ANKLE2: variants seen among roughly 807,000 people sequenced by gnomAD.
ANKLE2 encodes the protein ankyrin repeat and LEM domain-containing protein 2.
ANKLE2 carries 55 observed loss-of-function variants against 84.2 expected under a neutral mutation model. That is an observed-to-expected ratio of 0.65 (90% CI 0.53 to 0.82). The LOEUF (loss-of-function observed/expected upper bound fraction) is 0.82. ANKLE2 is among the 40% of genes least tolerant of loss of function. ANKLE2 has a pLI of 0.00. For synonymous variants in ANKLE2, 551 were observed against 486.1 expected, an observed-to-expected ratio of 1.13 and a Z score of -1.76; for missense variants, 1,238 against 1,201.9, an observed-to-expected ratio of 1.03 and a Z score of -0.44.
chr12:132,735,663 C>A, intron 8 of ANKLE2, 151 bp from the exon 9 acceptor site: 1 of 640,918 alleles, frequency 1.6e-6, no homozygotes, highest in Non-Finnish European at 2.7e-6. Context: ...GCCACGTGCC[C>A]ACCTGTGGCA....
At chr12:132,755,438 G>C (rs142391474) in intron 1 of ANKLE2, 1 of 226,700 alleles carries the variant, frequency 4.4e-6, no homozygotes, top group Non-Finnish European at 8.6e-6. Context: ...CCAGCTACTT[G>C]GGAGGCTGAG....
At chr12:132,732,590 T>TA (rs2043893221) in intron 10 of ANKLE2, among the ~76,000 whole-genome samples, 1 of 130,224 alleles carries the variant, frequency 7.7e-6, no homozygotes, top group Non-Finnish European at 1.6e-5. Context: ...TGGCGTCTGA[T>TA]ACGCACCGTG....
chr12:132,744,240 C>T (rs953863411), intron 5 of ANKLE2, among the ~76,000 whole-genome samples: 17 of 152,192 alleles, frequency 1.1e-4, no homozygotes, highest in African/African-American at 4.1e-4. Flanking sequence ...AGGGCCAACT[C>T]CCTCCCAGTC....
Position 132,735,022 on chromosome 12 carries a change from A to G in ANKLE2, c.1700+384T>C, listed in dbSNP as rs774022731. 457 of 287,484 alleles carry G rather than the reference A, an allele frequency of 1.6e-3. 4 individuals carry two copies. Among genetic ancestry groups the G allele is most frequent in the East Asian group, 3.5e-3 (35 of 10,106 alleles). The allele number at this position is 287,484 out of a possible 1,614,324, so 17.8% of individuals were successfully genotyped here. A position where few individuals can be genotyped will look rare whatever the true frequency, so the allele number is the denominator to read the frequency against. The stretch of plus-strand genomic sequence containing the variant: ...GGCACATATTTTGAGAAAATATTCT[A>G]AACAATTCCACGAAGCTTTATTTGA... On this transcript the variant is annotated intron_variant, in intron 9 of 12. Coordinates refer to ENST00000357997, the MANE Select transcript of ANKLE2 (RefSeq NM_015114.3).
In ANKLE2 at chr12:132,727,463, A is replaced by G; in HGVS notation, c.2616-20T>C. ...GGCCAACTGCGGAAAGCAAGAAAGA[A>G]CTGTTAGCAGACGGGCACAGGCCCG... On this transcript the variant is annotated intron_variant, in intron 12 of 12. Coordinates refer to ENST00000357997, the MANE Select transcript of ANKLE2 (RefSeq NM_015114.3). 3.2e-6 allele frequency: 5 copies of G among 1,551,058 alleles called. No individual in the cohort carries two copies. Among genetic ancestry groups the G allele is most frequent in the Non-Finnish European group, 4.4e-6 (5 of 1,147,222 alleles).
chr12:132,735,620 T>C (rs1462016288), intron 8 of ANKLE2, 108 bp from the exon 9 acceptor site: 13 of 827,756 alleles, frequency 1.6e-5, no homozygotes, highest in Non-Finnish European at 2.3e-5. Flanking sequence ...CCGCACACCC[T>C]TCCTTCTCTC....
Position 132,730,003 on chromosome 12 carries a change from C to CG in ANKLE2, c.2158dup (p.Arg720ProfsTer16), listed in dbSNP as rs769880047. 9 of 1,613,038 alleles carry CG rather than the reference C, an allele frequency of 5.6e-6. No individual in the cohort carries two copies. The highest frequency in any genetic ancestry group is 4.4e-5 in the South Asian group (4 of 91,078). ...AGGTGGCAGATGGGCTTCCTCCCCA[C>CG]GGGGGGCCTTTGGTCTCTTGCCCGC... On this transcript the variant is annotated frameshift_variant, in exon 11 of 13. Transcript: ENST00000357997. LOFTEE classifies it high-confidence loss of function.
intron 7 of ANKLE2, 119 bp downstream of exon 7, chr12:132,741,300 G>A (rs919919165): frequency 2.0e-5 from 19 of 962,486 alleles, no homozygotes; most frequent in South Asian, 6.2e-5. Context: ...AGAGGCTTCC[G>A]AGGGGAGCCG....
intron 3 of ANKLE2, 112 bp downstream of exon 3, chr12:132,750,531 C>T (rs930346196): frequency 1.4e-5 from 16 of 1,130,742 alleles, no homozygotes; most frequent in Middle Eastern, 2.0e-4. Context: ...GAGACCCCAT[C>T]GACTCTACCC....
In ANKLE2 at chr12:132,751,592, G is replaced by A. The variant is rs1478479783; in HGVS notation, c.641-743C>T. Among the ~76,000 whole-genome samples, 12 of 149,958 alleles carry A rather than the reference G, an allele frequency of 8.0e-5. No individual in the cohort carries two copies. In the East Asian group the frequency reaches 2.2e-3, roughly 27 times the overall value. ...GAGTCTCACTCAGCTGCCGAGGCTGGAGTGCAGTGGTGTGATCTTGGCTCA... is the reference window on the plus strand; with the variant it reads ...GAGTCTCACTCAGCTGCCGAGGCTGAAGTGCAGTGGTGTGATCTTGGCTCA... On this transcript the variant is annotated intron_variant, in intron 2 of 12. Transcript: ENST00000357997.
chr12:132,744,612 C>T (rs74458513), intron 5 of ANKLE2, among the ~76,000 whole-genome samples: 8,641 of 152,264 alleles, frequency 0.057, 317 homozygotes, highest in East Asian at 0.11. Context: ...TATACCACCA[C>T]GCTACCTGTA....
At position 132,761,621 on chromosome 12, in the gene ANKLE2, A is replaced by C; in HGVS notation, c.178T>G (p.Ser60Ala). The C allele has an allele frequency of 8.0e-7, 1 of 1,254,698 alleles. No individual in the cohort carries two copies. The highest frequency in any genetic ancestry group is 1.0e-6 in the Non-Finnish European group (1 of 999,556). The allele number at this position is 1,254,698 out of a possible 1,614,324, so 77.7% of individuals were successfully genotyped here. The change falls in exon 1 of 13, where the codon TCA becomes GCA. Residue 60 changes from serine (S) to alanine (A), a missense_variant. This residue lies in a region of ANKLE2 where 422 missense variants were observed against 394.5 expected (regional missense o/e 1.07). Coordinates refer to ENST00000357997, the MANE Select transcript of ANKLE2 (RefSeq NM_015114.3). The part of the protein sequence containing the change: ...PPPSAAAAPA[S>A]GEMTMDALLA... Reference sequence around the variant, plus strand: ...CCAGCGACCGCCTGGGCCTTACCTGAGGCGGGGGCGGCGGCCGCGCTTGGC... The same window carrying C: ...CCAGCGACCGCCTGGGCCTTACCTGCGGCGGGGGCGGCGGCCGCGCTTGGC...
chr12:132,755,163 C>A (rs763598983), intron 1 of ANKLE2, 30 bp from the exon 2 acceptor site: 3 of 1,556,308 alleles, frequency 1.9e-6, no homozygotes, highest in Admixed American at 1.8e-5. Flanking sequence ...ATCAAAGAGT[C>A]ACAAAATACT....
At chr12:132,747,414 G>T (rs953950634) in intron 5 of ANKLE2, among the ~76,000 whole-genome samples, 1 of 151,846 alleles carries the variant, frequency 6.6e-6, no homozygotes, top group African/African-American at 2.4e-5. Flanking sequence ...ACAGCCCTGC[G>T]TGTCAGGCAG....
chr12:132,760,100 C>G (rs2044593688), intron 1 of ANKLE2: 2 of 145,654 alleles, frequency 1.4e-5, no homozygotes, highest in East Asian at 2.1e-4. Context: ...CGCCACTGCA[C>G]TCCAGCCTGG....
chr12:132,734,612 C>A, intron 9 of ANKLE2, 37 bp from the exon 10 acceptor site: 1 of 1,566,550 alleles, frequency 6.4e-7, no homozygotes. Flanking sequence ...AGCTGTGAAA[C>A]CAGAAAAAAT....
At chr12:132,749,588 A>G (rs916798630) in intron 3 of ANKLE2, among the ~76,000 whole-genome samples, 2 of 152,234 alleles carry the variant, frequency 1.3e-5, no homozygotes, top group Non-Finnish European at 2.9e-5. Context: ...GGGCAGGCGG[A>G]TGACTGGAAG....
intron 2 of ANKLE2, 80 bp downstream of exon 2, chr12:132,754,595 G>C: frequency 7.1e-7 from 1 of 1,400,576 alleles, no homozygotes; most frequent in Non-Finnish European, 9.6e-7. Context: ...TTAATCTGTA[G>C]TTTTCCATTT....
rs1385963906 is a variant in ANKLE2, at chr12:132,730,379, TAC to T, written c.1892-111_1892-110del. 755 of 183,178 alleles carry T rather than the reference TAC, an allele frequency of 4.1e-3. 1 individual carries two copies. The highest frequency in any genetic ancestry group is 0.015 in the East Asian group (39 of 2,616). 11.3% of individuals were successfully genotyped at this position (183,178 alleles called of 1,614,324 possible). On this transcript the variant is annotated intron_variant, in intron 10 of 12. Transcript: ENST00000357997. ...GTGACCCCAGCAACAGCAACTCTTA[TAC>T]CCAAAACCTCCCCACTCCATCCGCG...
Sources: gnomAD v4.1 joint callset for allele counts (sites outside exome capture counted in the v4.1 genomes callset) on GRCh38, gnomAD v4.1.1 for gene constraint, gnomAD v4.1.1 regional missense constraint, MANE v1.5 for transcripts, NCBI Gene and HGNC (gene_info 2026-07-23, HGNC 2026-07-21) for gene names.